Variants in DOCK7 observed in about 807,000 individuals in gnomAD.
The protein encoded by DOCK7 is dedicator of cytokinesis protein 7.
DOCK7 carries 138 observed loss-of-function variants against 271.0 expected under a neutral mutation model. The ratio of observed to expected loss-of-function variants is 0.51; its 90% CI spans 0.44 to 0.59. The LOEUF is 0.59. Ranked by LOEUF, DOCK7 falls within the 20% of genes least tolerant of loss-of-function variation. The pLI, the probability that DOCK7 is intolerant of heterozygous loss-of-function variation, is 0.00. For missense variants in DOCK7, 2,066 were observed against 2,592.4 expected (o/e 0.80, Z 4.41); for synonymous variants, 823 against 876.1 (o/e 0.94, Z 1.07).
At chr1:62,476,710 A>C (rs1004174748) in intron 44 of DOCK7, among the ~76,000 whole-genome samples, 3 of 152,230 alleles carry the variant, frequency 2.0e-5, no homozygotes, top group African/African-American at 7.2e-5. Flanking sequence ...TATGACACTG[A>C]GTAGCAGCAG....
At chr1:62,612,223 A>C (rs1571767048) in intron 14 of DOCK7, among the ~76,000 whole-genome samples, 2 of 152,298 alleles carry the variant, frequency 1.3e-5, no homozygotes, top group Middle Eastern at 6.8e-3. Context: ...GTGAAATGAT[A>C]GGATGTCTAG....
chr1:62,503,844 G>A (rs1278001022), intron 37 of DOCK7, among the ~76,000 whole-genome samples: 1 of 151,976 alleles, frequency 6.6e-6, no homozygotes, highest in East Asian at 2.0e-4. Flanking sequence ...TCAGGAGATC[G>A]AGACCATCCT....
rs760265142 is a variant in DOCK7, at chr1:62,505,703, T to A, written c.4590A>T (p.Thr1530=). ...SAVYLQHCFA[T]QRALVSKFPE... ...CTACCTTTGAAACCAAGGCTCTCTG[T>A]GTAGCAAAACAGTGTTGTAGATAAA... Residue 1530 remains threonine, a synonymous_variant, in exon 36 of 50, where the codon ACA becomes ACT. Coordinates refer to ENST00000635253, the MANE Select transcript of DOCK7 (RefSeq NM_001367561.1). 6.2e-7 allele frequency: 1 copy of A among 1,611,680 alleles called. No homozygotes were observed. The highest frequency in any genetic ancestry group is 8.5e-7 in the Non-Finnish European group (1 of 1,179,048).
intron 16 of DOCK7, among the ~76,000 whole-genome samples, chr1:62,581,539 A>G (rs759576086): frequency 1.3e-5 from 2 of 152,200 alleles, no homozygotes; most frequent in Non-Finnish European, 2.9e-5. Context: ...CTAAAAATAT[A>G]TATCTGTACT....
chr1:62,522,884 G>A (rs1644893658), intron 31 of DOCK7, among the ~76,000 whole-genome samples: 1 of 151,856 alleles, frequency 6.6e-6, no homozygotes. Context: ...TACAAAAATT[G>A]ATTCTATTTC....
chr1:62,476,233 G>T, intron 44 of DOCK7, 77 bp from the exon 45 acceptor site: 1 of 1,072,054 alleles, frequency 9.3e-7, no homozygotes. Context: ...GGTGACTCCT[G>T]AGCAAAATTA....
chr1:62,659,855 A>G (rs946067366), intron 2 of DOCK7, among the ~76,000 whole-genome samples: 3 of 152,186 alleles, frequency 2.0e-5, no homozygotes, highest in African/African-American at 7.2e-5. Context: ...AGGACATAGC[A>G]ATCTTAAATG....
At chr1:62,509,595 G>A (rs1379191300) in intron 34 of DOCK7, among the ~76,000 whole-genome samples, 12 of 152,022 alleles carry the variant, frequency 7.9e-5, no homozygotes, top group Non-Finnish European at 1.5e-4. Context: ...AACCATCAGA[G>A]AAATAGATTT....
At chr1:62,564,839 A>C (rs1646456531) in intron 18 of DOCK7, among the ~76,000 whole-genome samples, 1 of 152,228 alleles carries the variant, frequency 6.6e-6, no homozygotes, top group African/African-American at 2.4e-5. Flanking sequence ...TGAATCAAAT[A>C]GATGCAATAA....
chr1:62,532,759 T>C (rs1206904578), intron 29 of DOCK7, among the ~76,000 whole-genome samples: 1 of 152,166 alleles, frequency 6.6e-6, no homozygotes, highest in Non-Finnish European at 1.5e-5. Flanking sequence ...TGTTCAACAT[T>C]GCTTCAAGAG....
chr1:62,474,155 T>C (rs953748167), intron 47 of DOCK7, 67 bp from the exon 48 acceptor site: 31 of 1,360,838 alleles, frequency 2.3e-5, no homozygotes, highest in Non-Finnish European at 3.1e-5. Context: ...CAGAATTTAC[T>C]CAAATGATTT....
chr1:62,574,732 T>A (rs1221213209), intron 18 of DOCK7, among the ~76,000 whole-genome samples: 3 of 152,168 alleles, frequency 2.0e-5, no homozygotes, highest in Non-Finnish European at 4.4e-5. Context: ...ATATTTTTTT[T>A]CTTTTTTTTA....
intron 19 of DOCK7, among the ~76,000 whole-genome samples, chr1:62,559,821 G>C (rs1646265034): frequency 6.6e-6 from 1 of 152,122 alleles, no homozygotes; most frequent in Non-Finnish European, 1.5e-5. Flanking sequence ...TTGGATTTCA[G>C]GGGGGTTCCC....
At chr1:62,625,535 T>C (rs1279457886) in intron 11 of DOCK7, 134 bp from the exon 12 acceptor site, 2 of 879,272 alleles carry the variant, frequency 2.3e-6, no homozygotes, top group South Asian at 2.1e-5. Flanking sequence ...TAGGAGAATT[T>C]TGCTTTTGGA....
chr1:62,633,023 G>T (rs1230177090), intron 10 of DOCK7, among the ~76,000 whole-genome samples: 1 of 151,884 alleles, frequency 6.6e-6, no homozygotes, highest in Admixed American at 6.6e-5. Context: ...GGCAAAAAAA[G>T]GCTGTATTTT....
In DOCK7 at chr1:62,654,160, C is replaced by G. The variant is rs752835387; in HGVS notation, c.145-1G>C. ...GATCTACTGCTTCGGTAAGGGGCAC[C>G]TTTGTAAAAAGTTGGGATAAGAGAT... On this transcript the variant is annotated splice_acceptor_variant, in intron 2 of 49. Coordinates refer to ENST00000635253, the MANE Select transcript of DOCK7 (RefSeq NM_001367561.1). LOFTEE classifies it high-confidence loss of function. The G allele has an allele frequency of 6.2e-7, 1 of 1,606,776 alleles. No individual in the cohort carries two copies. Among genetic ancestry groups the G allele is most frequent in the Non-Finnish European group, 8.5e-7 (1 of 1,176,440 alleles).
At chr1:62,604,306 C>T in intron 14 of DOCK7, 1 of 1,561,302 alleles carries the variant, frequency 6.4e-7, no homozygotes, top group Non-Finnish European at 8.8e-7. Context: ...TAGCTATTAT[C>T]TGCAATGACA....
At chr1:62,607,580 G>C (rs910661210) in intron 14 of DOCK7, among the ~76,000 whole-genome samples, 1 of 152,150 alleles carries the variant, frequency 6.6e-6, no homozygotes, top group African/African-American at 2.4e-5. Flanking sequence ...TGTAATGGCT[G>C]CATACTGCCT....
At chr1:62,633,232 T>G (rs1256665998) in intron 10 of DOCK7, among the ~76,000 whole-genome samples, 1 of 152,094 alleles carries the variant, frequency 6.6e-6, no homozygotes, top group Non-Finnish European at 1.5e-5. Context: ...AAGAGTCAGT[T>G]AGTTTTGAGA....
Sources: allele counts gnomAD v4.1 joint callset (sites outside exome capture counted in the v4.1 genomes callset), GRCh38; gene constraint gnomAD v4.1.1; transcripts MANE v1.5; gene names NCBI Gene and HGNC (gene_info 2026-07-23, HGNC 2026-07-21).